The following AOPEP variants were observed in gnomAD, a reference collection of about 807,000 sequenced individuals.
The protein encoded by AOPEP is aminopeptidase O (putative), also known as aminopeptidase O.
AOPEP carries 77 observed loss-of-function variants against 98.1 expected under a neutral mutation model. The ratio of observed to expected loss-of-function variants is 0.78; its 90% CI spans 0.65 to 0.95. The LOEUF (loss-of-function observed/expected upper bound fraction) is 0.95, where lower values mean the gene tolerates loss of function less well. Among genes scored for constraint, AOPEP ranks in the 40% least tolerant of loss-of-function variants. The pLI is 0.00. For synonymous variants in AOPEP, 346 were observed against 365.3 expected (o/e 0.95, Z 0.60); for missense variants, 1,024 against 1,024.7 (o/e 1.00, Z 0.01).
At chr9:95,048,589 G>C (rs1407434346) in intron 13 of AOPEP, among the ~76,000 whole-genome samples, 1 of 152,056 alleles carries the variant, frequency 6.6e-6, no homozygotes, top group Non-Finnish European at 1.5e-5. Context: ...CCAGAACAGC[G>C]CAGGCTCTCC....
intron 5 of AOPEP, among the ~76,000 whole-genome samples, chr9:94,913,022 C>T (rs192772804): frequency 1.4e-3 from 207 of 152,274 alleles, no homozygotes; most frequent in African/African-American, 4.8e-3. Flanking sequence ...CCAAACAGAC[C>T]CGGGTGCCTT....
chr9:94,947,704 T>C lies in AOPEP; in HGVS notation c.1662-7473T>C, dbSNP rs186057784. 5.3e-5 allele frequency among the ~76,000 whole-genome samples: 8 copies of C among 152,370 alleles called. No homozygotes were observed. In the East Asian group the frequency reaches 1.5e-3, roughly 29 times the overall value. On this transcript the variant is annotated intron_variant, in intron 7 of 16. Coordinates refer to ENST00000375315, the MANE Select transcript of AOPEP (RefSeq NM_001193329.3). Reference sequence around the variant, plus strand: ...TACATTATCTCATTTGATCCCAAAATGGCCTTGTGAGAGAAGTGCTGGTAC... The same window carrying C: ...TACATTATCTCATTTGATCCCAAAACGGCCTTGTGAGAGAAGTGCTGGTAC...
At chr9:95,111,855 G>C in the AOPEP span, among the ~76,000 whole-genome samples, 1 of 152,186 alleles carries the variant, frequency 6.6e-6, no homozygotes, top group Non-Finnish European at 1.5e-5. Flanking sequence ...ACCCCCGTGA[G>C]GCCTGAGGCC....
intron 5 of AOPEP, among the ~76,000 whole-genome samples, chr9:94,857,716 C>G (rs1174328419): frequency 6.6e-6 from 1 of 152,116 alleles, no homozygotes; most frequent in East Asian, 1.9e-4. Context: ...CAAAGTGAGG[C>G]TGAAAGGTGA....
intron 9 of AOPEP, among the ~76,000 whole-genome samples, chr9:94,960,637 A>T (rs1259129800): frequency 1.3e-5 from 2 of 152,120 alleles, no homozygotes; most frequent in Non-Finnish European, 2.9e-5. Flanking sequence ...ATTTTGATTC[A>T]GCTCTTTGCT....
At position 94,755,946 on chromosome 9, in the gene AOPEP, G is replaced by A. The variant is rs2025794; in HGVS notation, c.-135-3703G>A. Among the ~76,000 whole-genome samples, 11 of 152,268 alleles carry A rather than the reference G, an allele frequency of 7.2e-5. No individual in the cohort carries two copies. In the South Asian group the frequency reaches 1.7e-3, roughly 23 times the overall value. The stretch of plus-strand genomic sequence containing the variant: ...GATGACTTAAAGTAGGCCAAATGAA[G>A]TTGTTGATTGTTTTTAAAGATGGCA... On this transcript the variant is annotated intron_variant, in intron 1 of 16. Transcript: ENST00000375315.
chr9:95,085,157 C>T (rs888524062), intron 16 of AOPEP: 6 of 438,874 alleles, frequency 1.4e-5, no homozygotes, highest in East Asian at 7.2e-5. Flanking sequence ...GTGTCGCCGG[C>T]GTCCTTCCGC....
intron 1 of AOPEP, among the ~76,000 whole-genome samples, chr9:94,755,339 A>G (rs1247414789): frequency 6.6e-6 from 1 of 152,204 alleles, no homozygotes; most frequent in African/African-American, 2.4e-5. Flanking sequence ...ACATACATGC[A>G]TTTGCAACCA....
At chr9:94,768,181 C>T (rs1411586921) in intron 2 of AOPEP, among the ~76,000 whole-genome samples, 2 of 152,132 alleles carry the variant, frequency 1.3e-5, no homozygotes, top group African/African-American at 2.4e-5. Context: ...GGCCCACCCT[C>T]CCCAGAGATC....
At chr9:94,909,865 C>T (rs972672751) in intron 5 of AOPEP, among the ~76,000 whole-genome samples, 1 of 152,130 alleles carries the variant, frequency 6.6e-6, no homozygotes, top group Admixed American at 6.6e-5. Context: ...AGCTCCCACC[C>T]CATGGATGAA....
intron 7 of AOPEP, chr9:94,932,414 G>T: frequency 3.4e-6 from 1 of 294,746 alleles, no homozygotes; most frequent in Non-Finnish European, 5.0e-6. Flanking sequence ...CTTTCCATTT[G>T]TGCCTTTCAT....
chr9:94,819,752 T>C (rs1018153087), intron 5 of AOPEP, among the ~76,000 whole-genome samples: 32 of 151,706 alleles, frequency 2.1e-4, no homozygotes, highest in African/African-American at 6.8e-4. Flanking sequence ...TTTTTTTTTT[T>C]CATAGAGACG....
At chr9:94,822,125 A>AAG (rs1853367913) in intron 5 of AOPEP, among the ~76,000 whole-genome samples, 1 of 152,178 alleles carries the variant, frequency 6.6e-6, no homozygotes. Flanking sequence ...GGAACAGACA[A>AAG]AGAGAACCAT....
chr9:94,783,204 TA>T (rs984893076), intron 3 of AOPEP, among the ~76,000 whole-genome samples: 1 of 152,198 alleles, frequency 6.6e-6, no homozygotes, highest in African/African-American at 2.4e-5. Context: ...AAGGAAAACC[TA>T]TAGAGGCGCT....
chr9:94,789,843 A>T (rs1307654666), intron 3 of AOPEP, among the ~76,000 whole-genome samples: 2 of 150,930 alleles, frequency 1.3e-5, no homozygotes, highest in African/African-American at 2.4e-5. Flanking sequence ...TCTGGATTTG[A>T]TTGTCCCTTT....
At chr9:94,751,106 G>A (rs529424175) in intron 1 of AOPEP, among the ~76,000 whole-genome samples, 92 of 152,176 alleles carry the variant, frequency 6.0e-4, no homozygotes, top group African/African-American at 2.1e-3. Flanking sequence ...TGGGTTAACT[G>A]CCTTGCCTGG....
At chr9:94,909,763 G>T (rs146372664) in intron 5 of AOPEP, among the ~76,000 whole-genome samples, 2 of 152,320 alleles carry the variant, frequency 1.3e-5, no homozygotes, top group East Asian at 1.9e-4. Context: ...GGTGTCTGTT[G>T]GTTCTGAGGT....
chr9:94,944,752 C>A (rs2057427353), intron 7 of AOPEP, among the ~76,000 whole-genome samples: 1 of 152,026 alleles, frequency 6.6e-6, no homozygotes, highest in Non-Finnish European at 1.5e-5. Flanking sequence ...TGGGGAGTGA[C>A]TGCCAGTGTG....
At chr9:95,065,360 G>C (rs2067771055) in intron 14 of AOPEP, 1 of 152,284 alleles carries the variant, frequency 6.6e-6, no homozygotes, top group Middle Eastern at 3.2e-3. Flanking sequence ...CCACCACGGT[G>C]CTGGCACCAG....
Sources: allele counts gnomAD v4.1 joint callset (sites outside exome capture counted in the v4.1 genomes callset), GRCh38; gene constraint gnomAD v4.1.1; transcripts MANE v1.5; gene names NCBI Gene and HGNC (gene_info 2026-07-23, HGNC 2026-07-21).